Variants in NSUN4 observed in about 807,000 individuals in gnomAD.
NSUN4 encodes the protein 5-cytosine rRNA methyltransferase NSUN4.
In NSUN4, 31 loss-of-function variants were observed where a neutral mutation model predicts 43.8. That is an observed-to-expected ratio of 0.71 (90% confidence interval 0.53 to 0.96). The LOEUF (loss-of-function observed/expected upper bound fraction) is 0.96. Among genes scored for constraint, NSUN4 ranks in the 40% least tolerant of loss-of-function variants. The pLI is 0.00. For missense variants in NSUN4, 439 were observed against 475.6 expected (o/e 0.92, Z 0.72); for synonymous variants, 167 against 184.1 (o/e 0.91, Z 0.75).
At chr1:46,360,042 G>A (rs971995039) in intron 4 of NSUN4, among the ~76,000 whole-genome samples, 75 of 150,288 alleles carry the variant, frequency 5.0e-4, no homozygotes, top group African/African-American at 1.5e-3. Flanking sequence ...ATCCTGGCTA[G>A]CACGGTGAAA....
intron 1 of NSUN4, among the ~76,000 whole-genome samples, chr1:46,344,530 T>G (rs1662339929): frequency 6.6e-6 from 1 of 152,154 alleles, no homozygotes; most frequent in Admixed American, 6.6e-5. Flanking sequence ...GCTCCCATAT[T>G]CCTAAGTTCC....
intron 2 of NSUN4, 105 bp from the exon 3 acceptor site, chr1:46,346,816 T>C: frequency 2.4e-6 from 2 of 830,484 alleles, no homozygotes; most frequent in Non-Finnish European, 3.9e-6. Flanking sequence ...AATGAGTTTT[T>C]GGTGATTGGA....
intron 4 of NSUN4, among the ~76,000 whole-genome samples, chr1:46,354,756 G>C (rs186557692): frequency 6.6e-6 from 1 of 152,154 alleles, no homozygotes; most frequent in East Asian, 1.9e-4. Context: ...CTGGGTTCAA[G>C]CCTGGGTTCA....
chr1:46,380,686 A>G, the NSUN4 span, among the ~76,000 whole-genome samples: 1 of 152,206 alleles, frequency 6.6e-6, no homozygotes, highest in Non-Finnish European at 1.5e-5. Context: ...CATTTTACAG[A>G]TAAGGAAACT....
At chr1:46,373,923 T>G in the NSUN4 span, among the ~76,000 whole-genome samples, 1 of 150,108 alleles carries the variant, frequency 6.7e-6, no homozygotes, top group Admixed American at 6.7e-5. Flanking sequence ...GGGTAAGGCG[T>G]TGGGGGATGG....
intron 4 of NSUN4, among the ~76,000 whole-genome samples, chr1:46,358,433 C>T (rs1261633882): frequency 3.5e-5 from 4 of 113,478 alleles, no homozygotes; most frequent in South Asian, 5.9e-4. Context: ...GATGGAGTCT[C>T]ACTCTGTTGC....
downstream of NSUN4, among the ~76,000 whole-genome samples, chr1:46,370,028 G>A (rs560643594): frequency 3.3e-5 from 5 of 152,298 alleles, no homozygotes; most frequent in South Asian, 2.1e-4. Flanking sequence ...GAGTAAATGG[G>A]AACTTTTGAG....
the NSUN4 span, among the ~76,000 whole-genome samples, chr1:46,383,998 A>T: frequency 5.3e-5 from 8 of 152,134 alleles, no homozygotes; most frequent in Non-Finnish European, 5.9e-5. Flanking sequence ...AGGCTAAACT[A>T]ATTCCGATTG....
At chr1:46,379,971 A>C in the NSUN4 span, among the ~76,000 whole-genome samples, 1 of 152,150 alleles carries the variant, frequency 6.6e-6, no homozygotes, top group Non-Finnish European at 1.5e-5. Context: ...TTTCAGCATG[A>C]ATTTTGAGGG....
At chr1:46,341,543 A>G in intron 1 of NSUN4, 1 of 1,123,546 alleles carries the variant, frequency 8.9e-7, no homozygotes, top group South Asian at 4.4e-5. Flanking sequence ...GCTTCTCCAG[A>G]GACCCTTTTT....
chr1:46,349,481 C>A (rs537434346), intron 3 of NSUN4, among the ~76,000 whole-genome samples: 25 of 152,294 alleles, frequency 1.6e-4, no homozygotes, highest in Non-Finnish European at 1.8e-4. Flanking sequence ...ATCCACTGGC[C>A]GATATCCTGC....
At chr1:46,382,301 A>G in the NSUN4 span, among the ~76,000 whole-genome samples, 1 of 152,236 alleles carries the variant, frequency 6.6e-6, no homozygotes, top group Non-Finnish European at 1.5e-5. Context: ...TAAGTAAAAA[A>G]GTCGTTGGGA....
intron 4 of NSUN4, among the ~76,000 whole-genome samples, chr1:46,358,323 T>C (rs1663537469): frequency 6.6e-6 from 1 of 151,948 alleles, no homozygotes; most frequent in East Asian, 1.9e-4. Context: ...CTCGAACTCC[T>C]TACCTCAGGT....
chr1:46,345,439 A>G (rs1025068655), intron 2 of NSUN4: 4 of 318,608 alleles, frequency 1.3e-5, no homozygotes, highest in African/African-American at 2.1e-5. Context: ...GGTGTGACTA[A>G]TATTTAGACC....
At chr1:46,342,499 A>T in intron 1 of NSUN4, 1 of 398,994 alleles carries the variant, frequency 2.5e-6, no homozygotes, top group Non-Finnish European at 4.4e-6. Context: ...TGCTCACCCC[A>T]GTCCCAGGCT....
In NSUN4 at chr1:46,345,124, C is replaced by G. The variant is rs749529709; in HGVS notation, c.417C>G (p.Ile139Met). 13 of 1,608,104 alleles carry G rather than the reference C, an allele frequency of 8.1e-6. No homozygotes were observed. The South Asian group carries it at 1.4e-4, about 18-fold the overall frequency. The change falls in exon 2 of 6, where the codon ATC (isoleucine) becomes ATG (methionine). Residue 139 changes from isoleucine to methionine, a missense_variant. By Grantham distance (10) the Ile-to-Met change is conservative. Transcript: ENST00000474844. ...LRCFTFDRGDISRFPPARPGS... is the reference protein window; with the variant it reads ...LRCFTFDRGDMSRFPPARPGS... ...GCTTCACTTTTGACAGAGGGGATAT[C>G]AGTCGCTTCCCTCCTGCCAGGTAGG... is the stretch of plus-strand genomic sequence containing the variant.
Position 46,356,565 on chromosome 1 carries a change from G to A in NSUN4, c.753+3537G>A, listed in dbSNP as rs551314944. Reference sequence around the variant, plus strand: ...AAATTAGCCGGGTGAGATGGCGGGCGCCTGGAATCCCAGCTACTCGGGAGG... The same window carrying A: ...AAATTAGCCGGGTGAGATGGCGGGCACCTGGAATCCCAGCTACTCGGGAGG... On this transcript the variant is annotated intron_variant, in intron 4 of 5. Transcript: ENST00000474844. Among the ~76,000 whole-genome samples the A allele has an allele frequency of 2.5e-4, 38 of 152,108 alleles. No homozygotes were observed. The South Asian group carries it at 7.7e-3, about 31-fold the overall frequency.
At chr1:46,349,148 T>TTTG (rs200798362) in intron 3 of NSUN4, among the ~76,000 whole-genome samples, 32,318 of 147,050 alleles carry the variant, frequency 0.22, 4,072 homozygotes, top group Non-Finnish European at 0.29. Context: ...TTTTTTGTTT[T>TTTG]TTTTTTTTTG....
At chr1:46,372,145 T>C in the NSUN4 span, among the ~76,000 whole-genome samples, 1 of 146,798 alleles carries the variant, frequency 6.8e-6, no homozygotes, top group Non-Finnish European at 1.5e-5. Context: ...TTTTTACTGT[T>C]TTTTTTTTTT....
Sources: allele counts gnomAD v4.1 joint callset (sites outside exome capture counted in the v4.1 genomes callset), GRCh38; gene constraint gnomAD v4.1.1; transcripts MANE v1.5; gene names NCBI Gene and HGNC (gene_info 2026-07-23, HGNC 2026-07-21).